The following ADM2 variants were observed in gnomAD, a reference collection of about 807,000 sequenced individuals.
ADM2 encodes the protein protein ADM2.
A neutral mutation model predicts 7.1 loss-of-function variants in ADM2; 5 were observed. The observed-to-expected ratio is 0.71, with a 90% CI of 0.37 to 1.49. ADM2 has a LOEUF of 1.49. Among genes scored for constraint, ADM2 ranks in the 40% most tolerant of loss-of-function variants. The pLI is 0.03. For synonymous variants in ADM2, 123 were observed against 92.8 expected, an observed-to-expected ratio of 1.33 and a Z score of -1.87; for missense variants, 236 against 211.2, an observed-to-expected ratio of 1.12 and a Z score of -0.73.
chr22:50,482,210 G>A (rs755385008), intron 2 of ADM2, among the ~76,000 whole-genome samples: 114 of 152,194 alleles, frequency 7.5e-4, no homozygotes, highest in Non-Finnish European at 1.4e-3. Flanking sequence ...GGTGTCTGCT[G>A]GGGGAGGGGA....
chr22:50,482,439 T>C, intron 2 of ADM2, 128 bp from the exon 3 acceptor site: 1 of 1,372,674 alleles, frequency 7.3e-7, no homozygotes, highest in Non-Finnish European at 9.4e-7. Context: ...TGCTCCAGGC[T>C]GTGTGTGGAT....
At position 50,482,886 on chromosome 22, in the gene ADM2, C is replaced by T; in HGVS notation, c.430C>T (p.Pro144Ser). The T allele has an allele frequency of 6.2e-7, 1 of 1,600,650 alleles. No individual in the cohort carries two copies. Among genetic ancestry groups the T allele is most frequent in the Non-Finnish European group, 8.5e-7 (1 of 1,177,494 alleles). ...QDSAPVDPSS[P>S]HSYG The stretch of plus-strand genomic sequence containing the variant: ...CTCAGCTCCTGTGGACCCCAGCAGC[C>T]CCCACAGCTATGGCTGAGGTGGGGC... Residue 144 changes from proline (P) to serine (S), a missense_variant, in exon 3 of 3, where the codon CCC becomes TCC. Coordinates refer to ENST00000395737, the MANE Select transcript of ADM2 (RefSeq NM_001253845.2).
In ADM2 at chr22:50,483,730, G is replaced by A. The variant is rs367945405; in HGVS notation, c.*827G>A. 10 of 168,484 alleles carry A rather than the reference G, an allele frequency of 5.9e-5. No individual in the cohort carries two copies. The highest frequency in any genetic ancestry group is 2.2e-4 in the African/African-American group (9 of 41,642). The allele number at this position is 168,484 out of a possible 1,614,324, so 10.4% of individuals were successfully genotyped here. A position where few individuals can be genotyped will look rare whatever the true frequency, so the allele number is the denominator to read the frequency against. On this transcript the variant is annotated 3_prime_UTR_variant, in exon 3 of 3. Transcript: ENST00000395737. ...GTGGGGCTCCACAGGCAGCACAGGC[G>A]CCCCACCACCACCCAGTTTGGGGAC...
rs1425947466 is a variant in ADM2, at chr22:50,483,194, G to A, written c.*291G>A. 2.2e-5 allele frequency: 14 copies of A among 627,938 alleles called. No homozygotes were observed. Among genetic ancestry groups the A allele is most frequent in the Non-Finnish European group, 4.1e-5 (14 of 337,534 alleles). The allele number at this position is 627,938 out of a possible 1,614,324, so 38.9% of individuals were successfully genotyped here. ...GCTTCAGAGAGGAGGTGTCTGCCCAGAGATGTGGAGCAGAAGCTGGGCCCT... is the reference window on the plus strand; with the variant it reads ...GCTTCAGAGAGGAGGTGTCTGCCCAAAGATGTGGAGCAGAAGCTGGGCCCT... On this transcript the variant is annotated 3_prime_UTR_variant, in exon 3 of 3. Transcript: ENST00000395737.
intron 2 of ADM2, 130 bp from the exon 3 acceptor site, chr22:50,482,437 G>A (rs2068207547): frequency 3.6e-6 from 5 of 1,374,558 alleles, no homozygotes; most frequent in Non-Finnish European, 4.7e-6. Context: ...CGTGCTCCAG[G>A]CTGTGTGTGG....
At chr22:50,481,803 C>G (rs371029733) in intron 1 of ADM2, 34 bp from the exon 2 acceptor site, 7 of 1,377,936 alleles carry the variant, frequency 5.1e-6, no homozygotes, top group South Asian at 4.1e-5. Flanking sequence ...AGGCTGCCCC[C>G]GACGTGCCCG....
At chr22:50,482,087 T>G in intron 2 of ADM2, 130 bp downstream of exon 2, 4 of 835,166 alleles carry the variant, frequency 4.8e-6, no homozygotes, top group Non-Finnish European at 5.4e-6. Flanking sequence ...CAAAGGCCCC[T>G]ACCCCAGGCT....
In ADM2 at chr22:50,482,854, G is replaced by A. The variant is rs536506636; in HGVS notation, c.398G>A (p.Arg133Gln). The A allele has an allele frequency of 1.1e-4, 174 of 1,606,632 alleles. No homozygotes were observed. In the South Asian group the frequency reaches 1.2e-3, roughly 11 times the overall value. ...TGGCAACTCATGGGACCGGCCGGCC[G>A]GCAGGACTCAGCTCCTGTGGACCCC... Reference protein sequence around the residue: ...RLWQLMGPAGRQDSAPVDPSS... With the variant: ...RLWQLMGPAGQQDSAPVDPSS... Residue 133 changes from arginine (R) to glutamine (Q), a missense_variant, in exon 3 of 3, where the codon CGG (arginine) becomes CAG (glutamine). Physicochemically the swap from Arg to Gln is conservative, Grantham distance 43 (BLOSUM62 1). Coordinates refer to ENST00000395737, the MANE Select transcript of ADM2 (RefSeq NM_001253845.2).
Position 50,483,081 on chromosome 22 carries a change from G to A in ADM2, c.*178G>A. 1 of 1,089,096 alleles carries A rather than the reference G, an allele frequency of 9.2e-7. No individual in the cohort carries two copies. The highest frequency in any genetic ancestry group is 1.4e-6 in the Non-Finnish European group (1 of 739,472). The allele number at this position is 1,089,096 out of a possible 1,614,324, so 67.5% of individuals were successfully genotyped here. A position where few individuals can be genotyped will look rare whatever the true frequency, so the allele number is the denominator to read the frequency against. On this transcript the variant is annotated 3_prime_UTR_variant, in exon 3 of 3. Coordinates refer to ENST00000395737, the MANE Select transcript of ADM2 (RefSeq NM_001253845.2). The stretch of plus-strand genomic sequence containing the variant: ...CTAGGCTGGTCTACACGCAGTGCTG[G>A]TACGTCAAGGAGCCTAAACACCCTG...
Position 50,481,630 on chromosome 22 carries a change from G to T in ADM2, c.-145G>T. The T allele has an allele frequency of 4.5e-6, 1 of 222,944 alleles. No homozygotes were observed. Among genetic ancestry groups the T allele is most frequent in the Admixed American group, 5.8e-5 (1 of 17,186 alleles). 13.8% of individuals were successfully genotyped at this position (222,944 alleles called of 1,614,324 possible). A position where few individuals can be genotyped will look rare whatever the true frequency, so the allele number is the denominator to read the frequency against. Reference sequence around the variant, plus strand: ...ACCCCCAACCCGCCCAGCCCGCTCCGCCTTGCGCCCCGGACCCGCGGCCGA... The same window carrying T: ...ACCCCCAACCCGCCCAGCCCGCTCCTCCTTGCGCCCCGGACCCGCGGCCGA... On this transcript the variant is annotated 5_prime_UTR_variant, in exon 1 of 3. Coordinates refer to ENST00000395737, the MANE Select transcript of ADM2 (RefSeq NM_001253845.2).
rs1392208417 is a variant in ADM2, at chr22:50,483,069, C to T, written c.*166C>T. 4 of 1,193,310 alleles carry T rather than the reference C, an allele frequency of 3.4e-6. No individual in the cohort carries two copies. The Admixed American group carries it at 7.9e-5, about 24-fold the overall frequency. The allele number at this position is 1,193,310 out of a possible 1,614,324, so 73.9% of individuals were successfully genotyped here. ...GCACACGTAAACCTAGGCTGGTCTA[C>T]ACGCAGTGCTGGTACGTCAAGGAGC... On this transcript the variant is annotated 3_prime_UTR_variant, in exon 3 of 3. Transcript: ENST00000395737.
chr22:50,482,920 A>T lies in ADM2; in HGVS notation c.*17A>T. 1 of 1,568,180 alleles carries T rather than the reference A, an allele frequency of 6.4e-7. No individual in the cohort carries two copies. ...TATGGCTGAGGTGGGGCCGGGCCAC[A>T]CCCCTGCCCATCCCAGCCAGGGTGC... On this transcript the variant is annotated 3_prime_UTR_variant, in exon 3 of 3. Transcript: ENST00000395737.
chr22:50,485,456 C>T lies in ADM2; in HGVS notation c.*2553C>T, dbSNP rs770844147. 2.9e-4 allele frequency: 45 copies of T among 153,016 alleles called. No individual in the cohort carries two copies. The highest frequency in any genetic ancestry group is 6.5e-4 in the African/African-American group (27 of 41,596). The allele number at this position is 153,016 out of a possible 1,614,324, so 9.5% of individuals were successfully genotyped here. ...TCCTGACCCAGGCACCACCTGCTTT[C>T]GGGGCGATGGCCGTAGCCTCCTCCC... On this transcript the variant is annotated 3_prime_UTR_variant, in exon 3 of 3. Coordinates refer to ENST00000395737, the MANE Select transcript of ADM2 (RefSeq NM_001253845.2).
intron 2 of ADM2, among the ~76,000 whole-genome samples, chr22:50,482,306 G>A (rs543912065): frequency 9.2e-5 from 14 of 152,268 alleles, no homozygotes; most frequent in Admixed American, 2.6e-4. Flanking sequence ...GTGGTGACCC[G>A]CAGAGGCTGG....
rs1325163720 is a variant in ADM2, at chr22:50,482,868, C to A, written c.412C>A (p.Pro138Thr). Residue 138 changes from proline (P) to threonine (T), a missense_variant, in exon 3 of 3, where the codon CCT becomes ACT. Transcript: ENST00000395737. Reference protein sequence around the residue: ...MGPAGRQDSAPVDPSSPHSYG With the variant: ...MGPAGRQDSATVDPSSPHSYG The stretch of plus-strand genomic sequence containing the variant: ...ACCGGCCGGCCGGCAGGACTCAGCT[C>A]CTGTGGACCCCAGCAGCCCCCACAG... The A allele has an allele frequency of 8.7e-6, 14 of 1,604,606 alleles. No homozygotes were observed. The highest frequency in any genetic ancestry group is 1.0e-5 in the Non-Finnish European group (12 of 1,178,782).
intron 2 of ADM2, 65 bp downstream of exon 2, chr22:50,482,022 C>T: frequency 7.0e-7 from 1 of 1,421,740 alleles, no homozygotes; most frequent in Non-Finnish European, 9.5e-7. Flanking sequence ...TGCCGGGGGC[C>T]GCGGGGCCGC....
At position 50,483,449 on chromosome 22, in the gene ADM2, C is replaced by A. The variant is rs1396549940; in HGVS notation, c.*546C>A. ...GGAAGGATGGTGGCCCTCCAGAGGTCATGAAGGGACCTCTGTGGCTCCAGC... is the reference window on the plus strand; with the variant it reads ...GGAAGGATGGTGGCCCTCCAGAGGTAATGAAGGGACCTCTGTGGCTCCAGC... On this transcript the variant is annotated 3_prime_UTR_variant, in exon 3 of 3. Transcript: ENST00000395737. 1.1e-5 allele frequency: 4 copies of A among 359,174 alleles called. No homozygotes were observed. In the Admixed American group the frequency reaches 1.4e-4, roughly 13 times the overall value. 22.2% of individuals were successfully genotyped at this position (359,174 alleles called of 1,614,324 possible).
Position 50,484,707 on chromosome 22 carries a change from G to C in ADM2, c.*1804G>C, listed in dbSNP as rs1701978290. On this transcript the variant is annotated 3_prime_UTR_variant, in exon 3 of 3. Coordinates refer to ENST00000395737, the MANE Select transcript of ADM2 (RefSeq NM_001253845.2). ...CCCGTCTGGGGCCTGCCTGTGGTCA[G>C]GGCCAAGTGTTCCCTCCTCCAGGAA... 6.6e-6 allele frequency: 1 copy of C among 152,402 alleles called. No individual in the cohort carries two copies. Among genetic ancestry groups the C allele is most frequent in the African/African-American group, 2.4e-5 (1 of 41,450 alleles). 9.4% of individuals were successfully genotyped at this position (152,402 alleles called of 1,614,324 possible). A position where few individuals can be genotyped will look rare whatever the true frequency, so the allele number is the denominator to read the frequency against.
Position 50,483,756 on chromosome 22 carries a change from C to G in ADM2, c.*853C>G, listed in dbSNP as rs1356556728. 6.0e-6 allele frequency: 1 copy of G among 167,572 alleles called. No homozygotes were observed. The highest frequency in any genetic ancestry group is 1.7e-4 in the East Asian group (1 of 5,748). The allele number at this position is 167,572 out of a possible 1,614,324, so 10.4% of individuals were successfully genotyped here. On this transcript the variant is annotated 3_prime_UTR_variant, in exon 3 of 3. Coordinates refer to ENST00000395737, the MANE Select transcript of ADM2 (RefSeq NM_001253845.2). ...CCCCACCACCACCCAGTTTGGGGAC[C>G]CAGTGGGACCAGGTGCGGGGGCAGA...
Sources: gnomAD v4.1 joint callset for allele counts (sites outside exome capture counted in the v4.1 genomes callset) on GRCh38, gnomAD v4.1.1 for gene constraint, MANE v1.5 for transcripts, NCBI Gene and HGNC (gene_info 2026-07-23, HGNC 2026-07-21) for gene names.